The following CCSER1 variants were observed in gnomAD, a reference collection of about 807,000 sequenced individuals.
CCSER1 encodes the protein coiled-coil serine rich protein 1.
In CCSER1, 41 loss-of-function variants were observed where a neutral mutation model predicts 82.0. That is an observed-to-expected ratio of 0.50 (90% confidence interval 0.39 to 0.65). CCSER1 has a LOEUF of 0.65. CCSER1 is among the 30% of genes least tolerant of loss of function. CCSER1 has a pLI of 0.00. For missense variants in CCSER1, 1,119 were observed against 1,064.2 expected, an observed-to-expected ratio of 1.05 and a Z score of -0.72; for synonymous variants, 414 against 383.9, an observed-to-expected ratio of 1.08 and a Z score of -0.92.
At chr4:91,392,920 TA>T (rs1751751327) in intron 10 of CCSER1, among the ~76,000 whole-genome samples, 1 of 152,070 alleles carries the variant, frequency 6.6e-6, no homozygotes, top group Non-Finnish European at 1.5e-5. Flanking sequence ...AAGAGATGGC[TA>T]GGCCCCACCC....
chr4:90,656,701 T>C (rs1729763991), intron 6 of CCSER1, among the ~76,000 whole-genome samples: 1 of 151,964 alleles, frequency 6.6e-6, no homozygotes, highest in African/African-American at 2.4e-5. Context: ...TTTTGTTTTC[T>C]ATTTGTCCCT....
chr4:90,255,491 A>G (rs1723119785), intron 1 of CCSER1, among the ~76,000 whole-genome samples: 1 of 152,192 alleles, frequency 6.6e-6, no homozygotes, highest in Non-Finnish European at 1.5e-5. Flanking sequence ...AATTATGGTT[A>G]TTTTAATCAT....
chr4:90,369,394 G>C (rs1746958146), intron 3 of CCSER1, among the ~76,000 whole-genome samples: 1 of 150,770 alleles, frequency 6.6e-6, no homozygotes, highest in South Asian at 2.1e-4. Flanking sequence ...AAAAGGGAAA[G>C]AAAGGGAAGA....
intron 10 of CCSER1, among the ~76,000 whole-genome samples, chr4:91,362,364 C>T (rs2149313796): frequency 6.6e-6 from 1 of 151,820 alleles, no homozygotes; most frequent in South Asian, 2.1e-4. Context: ...TGGTCTGTTT[C>T]ATTTACCCTT....
intron 10 of CCSER1, among the ~76,000 whole-genome samples, chr4:91,198,904 G>A (rs1735673641): frequency 6.6e-6 from 1 of 152,056 alleles, no homozygotes; most frequent in African/African-American, 2.4e-5. Context: ...GTGTGCTAAT[G>A]ATCTTATCAA....
chr4:90,230,370 T>C (rs1226761642), intron 1 of CCSER1, among the ~76,000 whole-genome samples: 5 of 152,100 alleles, frequency 3.3e-5, no homozygotes, highest in Non-Finnish European at 7.4e-5. Flanking sequence ...CCTGAATGAC[T>C]ACTGGGTATA....
chr4:90,567,682 T>G (rs1181601399), intron 5 of CCSER1, among the ~76,000 whole-genome samples: 1 of 150,998 alleles, frequency 6.6e-6, no homozygotes, highest in Non-Finnish European at 1.5e-5. Context: ...CACAGCTCAC[T>G]GCAGCCTCAG....
At chr4:91,015,702 T>C (rs28583045) in intron 9 of CCSER1, among the ~76,000 whole-genome samples, 5,541 of 151,942 alleles carry the variant, frequency 0.036, 143 homozygotes, top group South Asian at 0.081. Context: ...CTATATAAAA[T>C]ATTTCTTTTA....
At chr4:91,233,029 T>A (rs1484298089) in intron 10 of CCSER1, among the ~76,000 whole-genome samples, 1 of 151,644 alleles carries the variant, frequency 6.6e-6, no homozygotes, top group Non-Finnish European at 1.5e-5. Flanking sequence ...CTACTTAGGA[T>A]TGAGGGGATT....
At chr4:90,845,377 A>AG (rs1561236980) in intron 8 of CCSER1, among the ~76,000 whole-genome samples, 1 of 151,824 alleles carries the variant, frequency 6.6e-6, no homozygotes, top group Non-Finnish European at 1.5e-5. Flanking sequence ...AAAAAAAAAA[A>AG]AAAGAATATT....
chr4:90,304,152 A>G (rs1322088033), intron 1 of CCSER1, among the ~76,000 whole-genome samples: 67 of 152,160 alleles, frequency 4.4e-4, no homozygotes, highest in East Asian at 1.7e-3. Flanking sequence ...GAAACAACAG[A>G]TGCTGGAGAG....
chr4:90,835,785 C>T (rs1379719622), intron 8 of CCSER1, among the ~76,000 whole-genome samples: 1 of 152,128 alleles, frequency 6.6e-6, no homozygotes, highest in African/African-American at 2.4e-5. Context: ...ATAAATCATA[C>T]CAGATTGTTT....
rs976361376 is a variant in CCSER1 at position 91,441,703 on chromosome 4, A to G, written c.2218-156869A>G. Among the ~76,000 whole-genome samples, 295 of 152,294 alleles carry G rather than the reference A, an allele frequency of 1.9e-3. 1 individual carries two copies. Among genetic ancestry groups the G allele is most frequent in the Non-Finnish European group, 2.3e-3 (156 of 68,024 alleles). On this transcript the variant is annotated intron_variant, in intron 10 of 10. Transcript: ENST00000509176. ...ATTGTCCCTGTTTGCAGATGACATG[A>G]CTGTATATCTAGAAAACCCCATTGT...
At chr4:91,274,046 A>G (rs1190596556) in intron 10 of CCSER1, among the ~76,000 whole-genome samples, 1 of 152,216 alleles carries the variant, frequency 6.6e-6, no homozygotes. Context: ...TTATACCAAT[A>G]AGAAAGTCTA....
At chr4:91,437,983 C>T (rs1034868428) in intron 10 of CCSER1, among the ~76,000 whole-genome samples, 15 of 152,144 alleles carry the variant, frequency 9.9e-5, no homozygotes, top group Admixed American at 7.9e-4. Flanking sequence ...CCAGGAAGCT[C>T]GAACTGGGTG....
At chr4:90,756,449 A>C (rs1201365490) in intron 7 of CCSER1, among the ~76,000 whole-genome samples, 3 of 152,154 alleles carry the variant, frequency 2.0e-5, no homozygotes, top group Non-Finnish European at 4.4e-5. Flanking sequence ...TCATTCCTAA[A>C]AATCAAAATA....
intron 10 of CCSER1, among the ~76,000 whole-genome samples, chr4:91,351,511 G>T (rs1182299213): frequency 6.6e-6 from 1 of 151,970 alleles, no homozygotes. Flanking sequence ...GCATGAAACA[G>T]ATTCTGGTAT....
At chr4:90,991,497 A>G (rs1737024474) in intron 9 of CCSER1, among the ~76,000 whole-genome samples, 1 of 151,852 alleles carries the variant, frequency 6.6e-6, no homozygotes. Flanking sequence ...TTGCAGCACC[A>G]TGATTCCAAT....
At chr4:90,588,350 T>G (rs958243233) in intron 5 of CCSER1, among the ~76,000 whole-genome samples, 2 of 152,230 alleles carry the variant, frequency 1.3e-5, no homozygotes, top group African/African-American at 4.8e-5. Flanking sequence ...AATTCTTTGT[T>G]GTCATTTCAA....
Sources: gnomAD v4.1 joint callset for allele counts (sites outside exome capture counted in the v4.1 genomes callset) on GRCh38, gnomAD v4.1.1 for gene constraint, MANE v1.5 for transcripts, NCBI Gene and HGNC (gene_info 2026-07-23, HGNC 2026-07-21) for gene names.